The following AXIN1 variants were observed in gnomAD, a reference collection of about 807,000 sequenced individuals.
AXIN1 encodes axin 1.
In AXIN1, 30 loss-of-function variants were observed where a neutral mutation model predicts 76.4. That is an observed-to-expected ratio of 0.39 (90% CI 0.29 to 0.53). The LOEUF (loss-of-function observed/expected upper bound fraction) is 0.53, where lower values mean the gene tolerates loss of function less well. Among genes scored for constraint, AXIN1 ranks in the 20% least tolerant of loss-of-function variants. The pLI, the probability that AXIN1 is intolerant of heterozygous loss-of-function variation, is 0.66. For missense variants in AXIN1, 1,140 were observed against 1,198.8 expected (o/e 0.95, Z 0.72); for synonymous variants, 545 against 501.4 (o/e 1.09, Z -1.16).
At chr16:313,416 C>CTA (rs1347902613) in intron 3 of AXIN1, among the ~76,000 whole-genome samples, 1 of 152,262 alleles carries the variant, frequency 6.6e-6, no homozygotes, top group Non-Finnish European at 1.5e-5. Flanking sequence ...TCCTCCAGCC[C>CTA]TATCCAGATC....
At chr16:320,863 C>A (rs1422616946) in intron 2 of AXIN1, among the ~76,000 whole-genome samples, 2 of 134,462 alleles carry the variant, frequency 1.5e-5, no homozygotes, top group Non-Finnish European at 3.2e-5. Flanking sequence ...CCTCAGCCTC[C>A]CGAGTAGCTG....
chr16:290,776 T>G (rs895144573), intron 9 of AXIN1: 3 of 354,896 alleles, frequency 8.5e-6, no homozygotes, highest in African/African-American at 6.4e-5. Flanking sequence ...AGACCCACAC[T>G]GCAAGCAGAC....
In AXIN1 at chr16:289,445, G is replaced by C. The variant is rs1191649060; in HGVS notation, c.2457C>G (p.Ser819Arg). 5 of 1,612,740 alleles carry C rather than the reference G, an allele frequency of 3.1e-6. No homozygotes were observed. The highest frequency in any genetic ancestry group is 4.2e-6 in the Non-Finnish European group (5 of 1,180,018). The change falls in exon 10 of 11, where the codon AGC becomes AGG. Residue 819 changes from serine (S) to arginine (R), a missense_variant. By Grantham distance (110) the Ser-to-Arg change is moderately radical. This residue lies in a region of AXIN1 where 429 missense variants were observed against 405.8 expected (regional missense o/e 1.06). Coordinates refer to ENST00000262320, the MANE Select transcript of AXIN1 (RefSeq NM_003502.4). ...QFKELLTKKG[S>R]YRYYFKKVSD... ...ACCCCAGCCCTCACACTCACCTGTA[G>C]CTGCCCTTTTTGGTCAGCAGCTCCT...
intron 2 of AXIN1, among the ~76,000 whole-genome samples, chr16:324,501 C>A (rs147798150): frequency 8.9e-4 from 135 of 152,326 alleles, no homozygotes; most frequent in African/African-American, 3.1e-3. Flanking sequence ...CCAACCAACC[C>A]GCCCAGTGTC....
At chr16:305,408 C>A (rs141459486) in intron 4 of AXIN1, among the ~76,000 whole-genome samples, 12 of 152,166 alleles carry the variant, frequency 7.9e-5, no homozygotes, top group Non-Finnish European at 1.6e-4. Context: ...CCTGGGAGAT[C>A]AAGGCTGCAG....
chr16:342,238 A>G (rs545279084), intron 2 of AXIN1, among the ~76,000 whole-genome samples: 16 of 152,122 alleles, frequency 1.1e-4, no homozygotes, highest in African/African-American at 2.2e-4. Flanking sequence ...GAGACCACGA[A>G]CCCACCAGAA....
intron 2 of AXIN1, among the ~76,000 whole-genome samples, chr16:315,905 T>C (rs1258618762): frequency 1.3e-5 from 2 of 149,732 alleles, no homozygotes; most frequent in Admixed American, 1.3e-4. Context: ...ATACAAAAAT[T>C]AGCTAGGTGT....
At chr16:326,390 T>TACAC (rs2053584087) in intron 2 of AXIN1, among the ~76,000 whole-genome samples, 1 of 108,904 alleles carries the variant, frequency 9.2e-6, no homozygotes, top group African/African-American at 3.8e-5. Flanking sequence ...TATATATATA[T>TACAC]ATATACACAC....
At chr16:343,371 C>T (rs2053967066) in intron 2 of AXIN1, among the ~76,000 whole-genome samples, 2 of 152,214 alleles carry the variant, frequency 1.3e-5, no homozygotes, top group Non-Finnish European at 2.9e-5. Flanking sequence ...CATTTTCCTC[C>T]TGCAGCCCAG....
In AXIN1 at chr16:346,150, G is replaced by C. The variant is rs529125621; in HGVS notation, c.876C>G (p.Phe292Leu). 1 of 1,613,534 alleles carries C rather than the reference G, an allele frequency of 6.2e-7. No individual in the cohort carries two copies. Among genetic ancestry groups the C allele is most frequent in the East Asian group, 2.2e-5 (1 of 44,882 alleles). ...SSRRYSEGRE[F>L]RYGSWREPVN... ...TGGACGCCTGGCGTCGGACTCACCT[G>C]AACTCTCTGCCTTCGCTGTACCGTC... The change falls in exon 2 of 11, where the codon TTC becomes TTG. Residue 292 changes from phenylalanine (F) to leucine (L), a missense_variant and splice_region_variant. Phe to Leu is a conservative substitution (Grantham distance 22). Coordinates refer to ENST00000262320, the MANE Select transcript of AXIN1 (RefSeq NM_003502.4).
intron 2 of AXIN1, among the ~76,000 whole-genome samples, chr16:328,669 C>G (rs1206102947): frequency 1.3e-5 from 2 of 152,164 alleles, no homozygotes; most frequent in Non-Finnish European, 2.9e-5. Flanking sequence ...GCTCTCCAGC[C>G]TGGGCAACAA....
intron 2 of AXIN1, among the ~76,000 whole-genome samples, chr16:316,832 G>A (rs1214866352): frequency 1.3e-5 from 2 of 152,194 alleles, no homozygotes; most frequent in African/African-American, 2.4e-5. Flanking sequence ...TTCCCAGAGG[G>A]GAAAACAGTA....
At chr16:294,102 A>G (rs1265978450) in intron 7 of AXIN1, among the ~76,000 whole-genome samples, 1 of 152,134 alleles carries the variant, frequency 6.6e-6, no homozygotes, top group East Asian at 1.9e-4. Flanking sequence ...TGGAGGTTAC[A>G]GTGAGCCGGG....
chr16:289,655 C>A (rs2141469615), intron 9 of AXIN1, 48 bp from the exon 10 acceptor site: 1 of 1,607,044 alleles, frequency 6.2e-7, no homozygotes, highest in Non-Finnish European at 8.5e-7. Context: ...ACTGAGGTCC[C>A]ACAGGGTCCC....
chr16:330,823 CA>C (rs2053677349), intron 2 of AXIN1, among the ~76,000 whole-genome samples: 1 of 152,230 alleles, frequency 6.6e-6, no homozygotes, highest in South Asian at 2.1e-4. Context: ...TTACTGGTTC[CA>C]AAGAACAGCC....
intron 2 of AXIN1, among the ~76,000 whole-genome samples, chr16:332,751 C>T (rs1470533666): frequency 6.9e-6 from 1 of 144,012 alleles, no homozygotes; most frequent in Non-Finnish European, 1.5e-5. Context: ...TATGAAAACA[C>T]AACAAAAAGA....
chr16:311,735 C>T (rs947650557), intron 3 of AXIN1, among the ~76,000 whole-genome samples: 19 of 152,122 alleles, frequency 1.2e-4, no homozygotes, highest in African/African-American at 4.6e-4. Context: ...TGTGCCACTG[C>T]ACTCCAGTCT....
intron 9 of AXIN1, 76 bp from the exon 10 acceptor site, chr16:289,683 T>G: frequency 6.3e-7 from 1 of 1,583,592 alleles, no homozygotes; most frequent in South Asian, 1.1e-5. Flanking sequence ...GGCCTCAGGC[T>G]GCCAGTGTAA....
At position 346,874 on chromosome 16, in the gene AXIN1, C is replaced by A. The variant is rs1191370646; in HGVS notation, c.152G>T (p.Gly51Val). The A allele has an allele frequency of 6.2e-7, 1 of 1,613,770 alleles. No individual in the cohort carries two copies. The highest frequency in any genetic ancestry group is 2.2e-5 in the East Asian group (1 of 44,874). The change falls in exon 2 of 11, where the codon GGC (glycine) becomes GTC (valine). Residue 51 changes from glycine to valine, a missense_variant. This residue lies in a region of AXIN1 where 708 missense variants were observed against 776.9 expected (regional missense o/e 0.91). Coordinates refer to ENST00000262320, the MANE Select transcript of AXIN1 (RefSeq NM_003502.4). ...SYSFCSGKGV[G>V]IKGETSTATP... ...GGCCGTCGAAGTCTCACCTTTAATG[C>A]CAACACCTTTCCCGGAGCAGAAACT...
Sources: gnomAD v4.1 joint callset for allele counts (sites outside exome capture counted in the v4.1 genomes callset) on GRCh38, gnomAD v4.1.1 for gene constraint, gnomAD v4.1.1 regional missense constraint, MANE v1.5 for transcripts, NCBI Gene and HGNC (gene_info 2026-07-23, HGNC 2026-07-21) for gene names.